The following TET2 variants were observed in gnomAD, a reference collection of about 807,000 sequenced individuals.
The protein encoded by TET2 is methylcytosine dioxygenase TET2.
Under a neutral mutation model 142.9 loss-of-function variants are expected in TET2, and 299 were observed. The observed-to-expected ratio is 2.09, with a 90% CI of 1.90 to 2.30. The LOEUF (loss-of-function observed/expected upper bound fraction) is 2.30, where lower values mean the gene tolerates loss of function less well. Among genes scored for constraint, TET2 ranks in the 30% most tolerant of loss-of-function variants. The pLI is 0.00. For synonymous variants in TET2, 819 were observed against 849.0 expected (o/e 0.96, Z 0.61); for missense variants, 2,418 against 2,378.0 (o/e 1.02, Z -0.35).
In TET2 at chr4:105,276,647, C is replaced by T; in HGVS notation, c.*128C>T. On this transcript the variant is annotated 3_prime_UTR_variant, in exon 11 of 11. Coordinates refer to ENST00000380013, the MANE Select transcript of TET2 (RefSeq NM_001127208.3). The stretch of plus-strand genomic sequence containing the variant: ...ATGACAAATGTGGTGGGAAAAACCT[C>T]AGCTCACCAGCAACAAAAGAGGTTA... 9.4e-7 allele frequency: 1 copy of T among 1,065,146 alleles called. No individual in the cohort carries two copies. Among genetic ancestry groups the T allele is most frequent in the South Asian group, 1.8e-5 (1 of 55,952 alleles). 66.0% of individuals were successfully genotyped at this position (1,065,146 alleles called of 1,614,324 possible). A position where few individuals can be genotyped will look rare whatever the true frequency, so the allele number is the denominator to read the frequency against.
rs757480389 is a variant in TET2 at position 105,234,486 on chromosome 4, C to G, written c.544C>G (p.Leu182Val). The G allele has an allele frequency of 1.2e-6, 2 of 1,614,022 alleles. No individual in the cohort carries two copies. Among genetic ancestry groups the G allele is most frequent in the Non-Finnish European group, 1.7e-6 (2 of 1,179,996 alleles). The change falls in exon 3 of 11, where the codon CTG (leucine) becomes GTG (valine). Residue 182 changes from leucine (L) to valine (V), a missense_variant. Physicochemically the swap from Leu to Val is conservative, Grantham distance 32 (BLOSUM62 1). Coordinates refer to ENST00000380013, the MANE Select transcript of TET2 (RefSeq NM_001127208.3). Reference protein sequence around the residue: ...SGPENPELQILNEQEGKSANY... With the variant: ...SGPENPELQIVNEQEGKSANY... ...GCCTGAAAATCCAGAGCTTCAGATT[C>G]TGAATGAGCAGGAGGGGAAAAGTGC...
chr4:105,276,457 A>G lies in TET2; in HGVS notation c.5947A>G (p.Thr1983Ala). 1 of 1,551,810 alleles carries G rather than the reference A, an allele frequency of 6.4e-7. No homozygotes were observed. The highest frequency in any genetic ancestry group is 8.7e-7 in the Non-Finnish European group (1 of 1,147,008). Residue 1983 changes from threonine to alanine, a missense_variant, in exon 11 of 11, where the codon ACA becomes GCA. Thr to Ala is a moderately conservative substitution (Grantham distance 58). Coordinates refer to ENST00000380013, the MANE Select transcript of TET2 (RefSeq NM_001127208.3). Reference sequence around the variant, plus strand: ...GACCATGTCCGTGACCACAGACTCCACAGTAACTACATCTCCATATGCCTT... The same window carrying G: ...GACCATGTCCGTGACCACAGACTCCGCAGTAACTACATCTCCATATGCCTT... Reference protein sequence around the residue: ...ERTMSVTTDSTVTTSPYAFTR... With the variant: ...ERTMSVTTDSAVTTSPYAFTR...
chr4:105,193,277 A>G lies in TET2; in HGVS notation c.-47+2772A>G, dbSNP rs573819794. Among the ~76,000 whole-genome samples, 150 of 152,268 alleles carry G rather than the reference A, an allele frequency of 9.9e-4. 4 individuals carry two copies. The highest frequency in any genetic ancestry group is 1.0e-3 in the South Asian group (5 of 4,824). The stretch of plus-strand genomic sequence containing the variant: ...AAATAAGAATGTTGGCCTTTAGGGC[A>G]GGAATGGGCCAGGCAGAGGGCAAGT... On this transcript the variant is annotated intron_variant, in intron 2 of 10. Transcript: ENST00000380013.
Position 105,236,343 on chromosome 4 carries a change from A to C in TET2, c.2401A>C (p.Asn801His). The change falls in exon 3 of 11, where the codon AAT becomes CAT. Residue 801 changes from asparagine (N) to histidine (H), a missense_variant. Asn to His is a moderately conservative substitution (Grantham distance 68). Transcript: ENST00000380013. Reference protein sequence around the residue: ...YSKSSEFETHNVQMGLEEVQN... With the variant: ...YSKSSEFETHHVQMGLEEVQN... ...AAAATCAAGCGAGTTCGAGACTCAT[A>C]ATGTCCAAATGGGACTGGAGGAAGT... 6.2e-7 allele frequency: 1 copy of C among 1,614,056 alleles called. No homozygotes were observed. The highest frequency in any genetic ancestry group is 1.1e-5 in the South Asian group (1 of 91,088).
chr4:105,266,782 T>C (rs531227477), intron 8 of TET2, among the ~76,000 whole-genome samples: 5 of 152,140 alleles, frequency 3.3e-5, no homozygotes, highest in East Asian at 3.9e-4. Flanking sequence ...AATATATGTG[T>C]AATTGGAGTA....
At chr4:105,155,113 G>C (rs1723500218) in intron 1 of TET2, among the ~76,000 whole-genome samples, 1 of 152,110 alleles carries the variant, frequency 6.6e-6, no homozygotes. Flanking sequence ...TACTAGATTT[G>C]GGGGGTTATT....
chr4:105,194,931 T>A (rs1725995475), intron 2 of TET2, among the ~76,000 whole-genome samples: 1 of 152,154 alleles, frequency 6.6e-6, no homozygotes, highest in South Asian at 2.1e-4. Flanking sequence ...GCATATATAT[T>A]AAGGCCCAGA....
At chr4:105,242,035 G>A (rs1417563901) in intron 4 of TET2, 16 of 1,237,064 alleles carry the variant, frequency 1.3e-5, no homozygotes, top group East Asian at 3.2e-5. Context: ...TGCAGAGAAG[G>A]CCTTTCATAT....
intron 2 of TET2, among the ~76,000 whole-genome samples, chr4:105,208,558 T>A (rs1173823717): frequency 1.3e-5 from 2 of 152,152 alleles, no homozygotes; most frequent in African/African-American, 4.8e-5. Context: ...AGTTAAAAAA[T>A]TTAATTAGGC....
At position 105,275,177 on chromosome 4, in the gene TET2, C is replaced by CT; in HGVS notation, c.4668dup (p.Val1557CysfsTer21). The CT allele has an allele frequency of 6.4e-7, 1 of 1,552,278 alleles. No individual in the cohort carries two copies. The highest frequency in any genetic ancestry group is 8.7e-7 in the Non-Finnish European group (1 of 1,147,094). Reference sequence around the variant, plus strand: ...CAGCCACATCACCCTCAGACAGAGTCTGTCAACTCTTATTCTGCTTCTGGA... The same window carrying CT: ...CAGCCACATCACCCTCAGACAGAGTCTTGTCAACTCTTATTCTGCTTCTGGA... On this transcript the variant is annotated frameshift_variant, in exon 11 of 11. Coordinates refer to ENST00000380013, the MANE Select transcript of TET2 (RefSeq NM_001127208.3). LOFTEE classifies it low-confidence loss of function (END_TRUNC).
chr4:105,186,689 C>T (rs1177294939), intron 1 of TET2, among the ~76,000 whole-genome samples: 2 of 151,998 alleles, frequency 1.3e-5, no homozygotes, highest in African/African-American at 4.8e-5. Context: ...CTAGGCAGGT[C>T]TCAAACTCCT....
intron 1 of TET2, among the ~76,000 whole-genome samples, chr4:105,180,409 C>A (rs559524755): frequency 4.6e-5 from 7 of 152,050 alleles, no homozygotes; most frequent in Non-Finnish European, 7.4e-5. Flanking sequence ...CTGTGCTTCT[C>A]GGCTGTTGTA....
At chr4:105,213,162 A>G (rs1273172466) in intron 2 of TET2, among the ~76,000 whole-genome samples, 1 of 152,194 alleles carries the variant, frequency 6.6e-6, no homozygotes, top group Non-Finnish European at 1.5e-5. Flanking sequence ...TGACATAGAA[A>G]TATACAGGTG....
At chr4:105,197,806 T>C (rs1355446110) in intron 2 of TET2, among the ~76,000 whole-genome samples, 1 of 152,228 alleles carries the variant, frequency 6.6e-6, no homozygotes, top group African/African-American at 2.4e-5. Context: ...AGATGGTCTC[T>C]GAAAGGTTTT....
intron 4 of TET2, chr4:105,242,350 G>C (rs976523976): frequency 9.3e-7 from 1 of 1,077,974 alleles, no homozygotes; most frequent in African/African-American, 1.6e-5. Context: ...TCTATTTCTA[G>C]GACTATTCCA....
chr4:105,213,870 GT>G, intron 2 of TET2, among the ~76,000 whole-genome samples: 1 of 152,042 alleles, frequency 6.6e-6, no homozygotes, highest in East Asian at 1.9e-4. Flanking sequence ...GTTGAGCTAC[GT>G]TTTTTTAAGG....
upstream of TET2, chr4:105,146,224 G>C (rs1211069685): frequency 1.3e-5 from 2 of 152,670 alleles, no homozygotes; most frequent in African/African-American, 4.8e-5. Flanking sequence ...ACCTCGAAGT[G>C]GTGGTGGAGT....
intron 8 of TET2, among the ~76,000 whole-genome samples, chr4:105,262,281 GTA>G (rs1578720713): frequency 6.6e-6 from 1 of 152,254 alleles, no homozygotes; most frequent in East Asian, 1.9e-4. Context: ...AACATTGTAA[GTA>G]TATATATTTC....
At chr4:105,162,985 C>T (rs966362441) in intron 1 of TET2, among the ~76,000 whole-genome samples, 1 of 151,966 alleles carries the variant, frequency 6.6e-6, no homozygotes, top group African/African-American at 2.4e-5. Context: ...TAAACACCAG[C>T]AGCTGTGCTT....
Sources: allele counts gnomAD v4.1 joint callset (sites outside exome capture counted in the v4.1 genomes callset), GRCh38; gene constraint gnomAD v4.1.1; transcripts MANE v1.5; gene names NCBI Gene and HGNC (gene_info 2026-07-23, HGNC 2026-07-21).